Variants in SLC25A21 observed in about 807,000 individuals in gnomAD.
SLC25A21 encodes mitochondrial 2-oxodicarboxylate carrier.
Under a neutral mutation model 43.8 loss-of-function variants are expected in SLC25A21, and 47 were observed. That is an observed-to-expected ratio of 1.07 (90% CI 0.85 to 1.37). The LOEUF (loss-of-function observed/expected upper bound fraction) is 1.37, where lower values mean the gene tolerates loss of function less well. SLC25A21 is among the 40% of genes most tolerant of loss of function. SLC25A21 has a pLI of 0.00. For synonymous variants in SLC25A21, 131 were observed against 121.3 expected, an observed-to-expected ratio of 1.08 and a Z score of -0.52; for missense variants, 352 against 350.2, an observed-to-expected ratio of 1.00 and a Z score of -0.04.
At chr14:37,164,240 A>T (rs974932835) in intron 1 of SLC25A21, among the ~76,000 whole-genome samples, 11 of 152,162 alleles carry the variant, frequency 7.2e-5, no homozygotes, top group South Asian at 2.1e-4. Context: ...TGAGAACTAG[A>T]TTTTCTTAAA....
intron 7 of SLC25A21, among the ~76,000 whole-genome samples, chr14:36,706,561 G>T (rs746858378): frequency 7.2e-5 from 11 of 151,912 alleles, no homozygotes; most frequent in Admixed American, 2.6e-4. Flanking sequence ...GTTAGACTCA[G>T]AGTTTCCAGG....
intron 1 of SLC25A21, among the ~76,000 whole-genome samples, chr14:36,962,838 G>T (rs1211666056): frequency 6.6e-6 from 1 of 152,012 alleles, no homozygotes; most frequent in Non-Finnish European, 1.5e-5. Flanking sequence ...TCTCTTTTAG[G>T]GGTTAGACAT....
At chr14:37,010,949 C>T (rs1294610581) in intron 1 of SLC25A21, among the ~76,000 whole-genome samples, 2 of 151,926 alleles carry the variant, frequency 1.3e-5, no homozygotes, top group African/African-American at 2.4e-5. Context: ...TGCAGTGGTG[C>T]GATCTTGGCT....
intron 1 of SLC25A21, among the ~76,000 whole-genome samples, chr14:37,073,930 CA>C (rs537458049): frequency 0.023 from 3,264 of 144,312 alleles, 41 homozygotes; most frequent in Non-Finnish European, 0.028. Context: ...CTTCTAGATC[CA>C]AAAAAAAAAA....
At chr14:36,993,979 G>C (rs1202095326) in intron 1 of SLC25A21, among the ~76,000 whole-genome samples, 1 of 152,150 alleles carries the variant, frequency 6.6e-6, no homozygotes. Flanking sequence ...TTGGTAAAGA[G>C]AGGAGCATTT....
chr14:36,893,039 T>A (rs1415972002), intron 1 of SLC25A21, among the ~76,000 whole-genome samples: 1 of 152,224 alleles, frequency 6.6e-6, no homozygotes, highest in Non-Finnish European at 1.5e-5. Context: ...CGCAGCATGA[T>A]TTATAATCCT....
intron 6 of SLC25A21, among the ~76,000 whole-genome samples, chr14:36,724,088 CT>C (rs1199358167): frequency 1.3e-5 from 2 of 152,188 alleles, no homozygotes; most frequent in African/African-American, 4.8e-5. Context: ...TCCCCTCCCC[CT>C]GTTCCGCACC....
intron 3 of SLC25A21, among the ~76,000 whole-genome samples, chr14:36,784,971 G>C (rs848113): frequency 0.16 from 24,976 of 152,238 alleles, 2,287 homozygotes; most frequent in Middle Eastern, 0.25. Flanking sequence ...TTTAGATATT[G>C]TGTGAATGTA....
chr14:36,754,525 T>C (rs1202291360), intron 3 of SLC25A21, among the ~76,000 whole-genome samples: 3 of 152,182 alleles, frequency 2.0e-5, no homozygotes, highest in Non-Finnish European at 4.4e-5. Flanking sequence ...TTTACAGATG[T>C]GGAAACAAAG....
At chr14:36,840,741 C>G (rs1251759923) in intron 2 of SLC25A21, among the ~76,000 whole-genome samples, 2 of 152,190 alleles carry the variant, frequency 1.3e-5, no homozygotes, top group African/African-American at 2.4e-5. Flanking sequence ...TTCTAAATTT[C>G]AGTAATTTGT....
chr14:37,019,717 G>A (rs1960942953), intron 1 of SLC25A21, among the ~76,000 whole-genome samples: 1 of 151,768 alleles, frequency 6.6e-6, no homozygotes. Context: ...AGGTATTTGG[G>A]GCCTAAAAAG....
chr14:36,749,676 C>T (rs1287994024), intron 3 of SLC25A21, among the ~76,000 whole-genome samples: 1 of 152,170 alleles, frequency 6.6e-6, no homozygotes, highest in Non-Finnish European at 1.5e-5. Flanking sequence ...TGGCCTTCGT[C>T]GTGTTCCCTG....
At chr14:37,001,900 C>A (rs974499429) in intron 1 of SLC25A21, among the ~76,000 whole-genome samples, 1 of 151,988 alleles carries the variant, frequency 6.6e-6, no homozygotes, top group East Asian at 1.9e-4. Flanking sequence ...TCTCAATTAC[C>A]CCAAAACAGG....
chr14:36,714,054 G>A (rs563205334), intron 6 of SLC25A21, among the ~76,000 whole-genome samples: 1 of 152,216 alleles, frequency 6.6e-6, no homozygotes, highest in Non-Finnish European at 1.5e-5. Context: ...GGATTGTTGA[G>A]ATTGTTGAAA....
Position 36,679,603 on chromosome 14 carries a change from T to G in SLC25A21, c.*1055A>C, listed in dbSNP as rs1228218062. ...GTAATCCTTAGAAATGCTAAGTGTA[T>G]TTCTTTTTCAGAACATTTCCCCTTC... On this transcript the variant is annotated 3_prime_UTR_variant, in exon 10 of 10. Transcript: ENST00000331299. 4.1e-6 allele frequency: 4 copies of G among 985,306 alleles called. No individual in the cohort carries two copies. Among genetic ancestry groups the G allele is most frequent in the South Asian group, 9.4e-5 (2 of 21,292 alleles). The allele number at this position is 985,306 out of a possible 1,614,324, so 61.0% of individuals were successfully genotyped here.
intron 1 of SLC25A21, among the ~76,000 whole-genome samples, chr14:37,094,389 T>C (rs762982431): frequency 6.6e-6 from 1 of 152,186 alleles, no homozygotes; most frequent in Non-Finnish European, 1.5e-5. Context: ...TGATGCCTAT[T>C]AATATGGAAA....
At chr14:36,898,455 G>T (rs1479994866) in intron 1 of SLC25A21, among the ~76,000 whole-genome samples, 3 of 152,172 alleles carry the variant, frequency 2.0e-5, no homozygotes, top group Non-Finnish European at 2.9e-5. Flanking sequence ...GACTAGGAAA[G>T]GGAATTCCCT....
At chr14:37,010,926 G>A (rs941385211) in intron 1 of SLC25A21, among the ~76,000 whole-genome samples, 5 of 151,836 alleles carry the variant, frequency 3.3e-5, no homozygotes, top group East Asian at 1.9e-4. Context: ...TTTTTCTGTC[G>A]CCCAGTCTGG....
chr14:36,780,057 TA>T (rs1264990877), intron 3 of SLC25A21, among the ~76,000 whole-genome samples: 2 of 152,004 alleles, frequency 1.3e-5, no homozygotes, highest in Admixed American at 1.3e-4. Flanking sequence ...TATTTCTTCA[TA>T]TTGCAGTCTT....
Sources: allele counts gnomAD v4.1 joint callset (sites outside exome capture counted in the v4.1 genomes callset), GRCh38; gene constraint gnomAD v4.1.1; transcripts MANE v1.5; gene names NCBI Gene and HGNC (gene_info 2026-07-23, HGNC 2026-07-21).